The following PRL variants were observed in gnomAD, a reference collection of about 807,000 sequenced individuals.
PRL encodes the protein prolactin.
In PRL, 24 loss-of-function variants were observed where a neutral mutation model predicts 21.3. That is an observed-to-expected ratio of 1.13 (90% CI 0.82 to 1.59). PRL has a LOEUF of 1.59. PRL is among the 40% of genes most tolerant of loss of function. The probability of loss-of-function intolerance (pLI) is 0.00; values close to 1 mark genes in which losing one functional copy is unlikely to be tolerated. For missense variants in PRL, 243 were observed against 286.9 expected (o/e 0.85, Z 1.10); for synonymous variants, 118 against 115.7 (o/e 1.02, Z -0.13).
upstream of PRL, among the ~76,000 whole-genome samples, chr6:22,301,339 C>A (rs1761278509): frequency 6.6e-6 from 1 of 152,166 alleles, no homozygotes; most frequent in Non-Finnish European, 1.5e-5. Flanking sequence ...TTAGCACAGG[C>A]ACCATCAAAT....
In PRL at chr6:22,294,444, T is replaced by G. The variant is rs760501499; in HGVS notation, c.169A>C (p.Ile57Leu). 6.2e-7 allele frequency: 1 copy of G among 1,613,964 alleles called. No individual in the cohort carries two copies. The highest frequency in any genetic ancestry group is 8.5e-7 in the Non-Finnish European group (1 of 1,180,008). ...FDRAVVLSHY[I>L]HNLSSEMFSE... ...AACATTTCTGAGGAGAGGTTATGGA[T>G]GTAGTGGGACAGGACGACGGCGCGG... is the stretch of plus-strand genomic sequence containing the variant. The change falls in exon 2 of 5, where the codon ATC becomes CTC. Residue 57 changes from isoleucine (I) to leucine (L), a missense_variant. Coordinates refer to ENST00000306482, the MANE Select transcript of PRL (RefSeq NM_000948.6).
intron 3 of PRL, among the ~76,000 whole-genome samples, chr6:22,291,466 C>T (rs556089379): frequency 6.6e-6 from 1 of 152,066 alleles, no homozygotes; most frequent in South Asian, 2.1e-4. Flanking sequence ...ATAGTAATGC[C>T]CACAAAGTGT....
intron 2 of PRL, among the ~76,000 whole-genome samples, chr6:22,293,949 T>G (rs1030703944): frequency 1.4e-4 from 22 of 152,200 alleles, no homozygotes; most frequent in African/African-American, 5.1e-4. Context: ...AGTTATTATT[T>G]GTATATTTTC....
chr6:22,295,694 A>G (rs1761160113), intron 1 of PRL, among the ~76,000 whole-genome samples: 1 of 152,198 alleles, frequency 6.6e-6, no homozygotes, highest in Admixed American at 6.5e-5. Context: ...AAGGAAAGAA[A>G]CGATAGATAG....
At chr6:22,293,340 A>G (rs1234135191) in intron 2 of PRL, among the ~76,000 whole-genome samples, 1 of 152,208 alleles carries the variant, frequency 6.6e-6, no homozygotes, top group African/African-American at 2.4e-5. Context: ...ATAAAAGTCT[A>G]AAGAAATTAC....
upstream of PRL, among the ~76,000 whole-genome samples, chr6:22,299,913 G>A (rs1240528683): frequency 3.3e-5 from 5 of 152,078 alleles, no homozygotes; most frequent in Admixed American, 3.3e-4. Flanking sequence ...ATATTAAAGA[G>A]TGAAAGAAAT....
chr6:22,296,105 G>A (rs1761167337), intron 1 of PRL, among the ~76,000 whole-genome samples: 1 of 152,096 alleles, frequency 6.6e-6, no homozygotes, highest in Non-Finnish European at 1.5e-5. Context: ...TGTAGATAGA[G>A]GAATTGGAAT....
chr6:22,299,578 C>T (rs867946150), upstream of PRL, among the ~76,000 whole-genome samples: 8 of 152,310 alleles, frequency 5.3e-5, no homozygotes, highest in Middle Eastern at 0.01. Flanking sequence ...CAGTGGCTCA[C>T]GCCTGTAATC....
intron 4 of PRL, among the ~76,000 whole-genome samples, chr6:22,289,684 G>A (rs896534482): frequency 3.9e-5 from 6 of 152,162 alleles, no homozygotes; most frequent in African/African-American, 1.4e-4. Context: ...GTCTTGTCAT[G>A]TTAATATCTG....
At chr6:22,298,894 C>T (rs1761231097), upstream of PRL, among the ~76,000 whole-genome samples, 4 of 152,256 alleles carry the variant, frequency 2.6e-5, no homozygotes, top group South Asian at 8.3e-4. Context: ...TAAGAGCAAT[C>T]TAAGAAAACC....
At chr6:22,289,953 G>A (rs376990910) in intron 4 of PRL, among the ~76,000 whole-genome samples, 5 of 152,148 alleles carry the variant, frequency 3.3e-5, no homozygotes, top group East Asian at 1.9e-4. Context: ...GTAGTTTTGC[G>A]TGTAGGTGTA....
At chr6:22,302,555 G>C (rs1451716797) in intron 1 of PRL, among the ~76,000 whole-genome samples, 1 of 152,054 alleles carries the variant, frequency 6.6e-6, no homozygotes, top group Admixed American at 6.6e-5. Context: ...ACAAAAGACA[G>C]AGTAACAAAA....
At chr6:22,299,422 A>C (rs1761242320), upstream of PRL, among the ~76,000 whole-genome samples, 2 of 152,270 alleles carry the variant, frequency 1.3e-5, no homozygotes, top group Admixed American at 6.5e-5. Flanking sequence ...TTTAACATTA[A>C]GTAACATCAG....
intron 4 of PRL, 67 bp from the exon 5 acceptor site, chr6:22,287,660 T>C (rs1040005017): frequency 3.8e-5 from 51 of 1,327,060 alleles, no homozygotes; most frequent in South Asian, 5.5e-5. Flanking sequence ...TTGTTCTTTC[T>C]AACTGTTGAA....
upstream of PRL, among the ~76,000 whole-genome samples, chr6:22,299,153 C>T (rs1369229588): frequency 6.6e-6 from 1 of 152,192 alleles, no homozygotes; most frequent in Admixed American, 6.5e-5. Flanking sequence ...TCTTGCCAGG[C>T]TTTCTCTTTA....
rs1300637468 is a variant in PRL, at chr6:22,292,608, TTGG to T, written c.239_241del (p.Thr80del). 3 of 1,614,022 alleles carry T rather than the reference TTGG, an allele frequency of 1.9e-6. No homozygotes were observed. The highest frequency in any genetic ancestry group is 3.3e-5 in the Admixed American group (2 of 60,002). ...AGAAGTGTGGCAGCTGTTGATGGCC[TTGG>T]TAATGAACCCCCGGCCATGGGTATA... On this transcript the variant is annotated inframe_deletion, in exon 3 of 5. Transcript: ENST00000306482.
rs2113499805 is a variant in PRL, at chr6:22,288,966, G to A, written c.492+1208C>T. 6.6e-6 allele frequency among the ~76,000 whole-genome samples: 1 copy of A among 152,184 alleles called. No individual in the cohort carries two copies. Reference sequence around the variant, plus strand: ...TGTGTGCGTGCGCGTGTGTGTGCGTGTGTGTATTCATTGACTGGCTTTATG... The same window carrying A: ...TGTGTGCGTGCGCGTGTGTGTGCGTATGTGTATTCATTGACTGGCTTTATG... On this transcript the variant is annotated intron_variant, in intron 4 of 4. Transcript: ENST00000306482. This position sits in a 1 kb window ranked among gnomAD's most constrained non-coding sequence, Gnocchi z 4.5.
At position 22,290,127 on chromosome 6, in the gene PRL, C is replaced by G; in HGVS notation, c.492+47G>C. 2.1e-6 allele frequency: 3 copies of G among 1,460,026 alleles called. No homozygotes were observed. In the Middle Eastern group the frequency reaches 5.6e-4, roughly 271 times the overall value. 90.4% of individuals were successfully genotyped at this position (1,460,026 alleles called of 1,614,324 possible). On this transcript the variant is annotated intron_variant, in intron 4 of 4. Coordinates refer to ENST00000306482, the MANE Select transcript of PRL (RefSeq NM_000948.6). ...AAATATTTATCATCACAGAGGTCAC[C>G]GCTTATATTAATGAGAAAAACAAAG...
chr6:22,287,251 G>T lies in PRL; in HGVS notation c.*151C>A. ...GAAACTTTGACAAATCGGCATTTTA[G>T]ATTTTGATGTCTCTAAGGAGTCAGT... is the stretch of plus-strand genomic sequence containing the variant. On this transcript the variant is annotated 3_prime_UTR_variant, in exon 5 of 5. Coordinates refer to ENST00000306482, the MANE Select transcript of PRL (RefSeq NM_000948.6). 1 of 655,406 alleles carries T rather than the reference G, an allele frequency of 1.5e-6. No individual in the cohort carries two copies. Among genetic ancestry groups the T allele is most frequent in the Non-Finnish European group, 2.3e-6 (1 of 441,534 alleles). 40.6% of individuals were successfully genotyped at this position (655,406 alleles called of 1,614,324 possible). A position where few individuals can be genotyped will look rare whatever the true frequency, so the allele number is the denominator to read the frequency against.
Sources: allele counts gnomAD v4.1 joint callset (sites outside exome capture counted in the v4.1 genomes callset), GRCh38; gene constraint gnomAD v4.1.1; non-coding constraint Gnocchi (gnomAD v3.1); transcripts MANE v1.5; gene names NCBI Gene and HGNC (gene_info 2026-07-23, HGNC 2026-07-21).